MOB3B: variants seen among roughly 807,000 people sequenced by gnomAD.
MOB3B encodes the protein MOB kinase activator 3B, also known as MOB kinase activator-like 2B.
A neutral mutation model predicts 18.7 loss-of-function variants in MOB3B; 7 were observed. That is an observed-to-expected ratio of 0.37 (90% CI 0.21 to 0.70). MOB3B has a LOEUF of 0.70. Among genes scored for constraint, MOB3B ranks in the 30% least tolerant of loss-of-function variants. The probability of loss-of-function intolerance (pLI) is 0.52; values close to 1 mark genes in which losing one functional copy is unlikely to be tolerated. For missense variants in MOB3B, 253 were observed against 281.3 expected, an observed-to-expected ratio of 0.90 and a Z score of 0.72; for synonymous variants, 111 against 99.9, an observed-to-expected ratio of 1.11 and a Z score of -0.66.
In MOB3B at chr9:27,342,208, A is replaced by G. The variant is rs1820953123; in HGVS notation, c.622-11592T>C. Among the ~76,000 whole-genome samples the G allele has an allele frequency of 2.6e-5, 4 of 152,184 alleles. No individual in the cohort carries two copies. In the South Asian group the frequency reaches 8.3e-4, roughly 32 times the overall value. ...CGCGTCGCACCATGCCAATACCATG[A>G]CCAGTGAGACTCTCTAGTTTTGACC... On this transcript the variant is annotated intron_variant, in intron 3 of 3. Coordinates refer to ENST00000262244, the MANE Select transcript of MOB3B (RefSeq NM_024761.5).
chr9:27,490,419 C>T (rs1419799165), intron 1 of MOB3B, among the ~76,000 whole-genome samples: 3 of 152,104 alleles, frequency 2.0e-5, no homozygotes, highest in African/African-American at 7.2e-5. Context: ...AGATTCCTTG[C>T]AGATTAAGAA....
Position 27,329,304 on chromosome 9 carries a change from C to T in MOB3B, c.*1283G>A, listed in dbSNP as rs192633370. The T allele has an allele frequency of 3.9e-5, 6 of 152,214 alleles. No individual in the cohort carries two copies. In the South Asian group the frequency reaches 8.3e-4, roughly 21 times the overall value. The allele number at this position is 152,214 out of a possible 1,614,324, so 9.4% of individuals were successfully genotyped here. A position where few individuals can be genotyped will look rare whatever the true frequency, so the allele number is the denominator to read the frequency against. On this transcript the variant is annotated 3_prime_UTR_variant, in exon 4 of 4. Coordinates refer to ENST00000262244, the MANE Select transcript of MOB3B (RefSeq NM_024761.5). ...AGTTTTGTGAATGAATCAGAGAAGG[C>T]AACATTTCATCAACGAAAACTCATT...
At chr9:27,342,172 C>A (rs1820951915) in intron 3 of MOB3B, among the ~76,000 whole-genome samples, 1 of 152,180 alleles carries the variant, frequency 6.6e-6, no homozygotes, top group Non-Finnish European at 1.5e-5. Flanking sequence ...TTCAGAAAAG[C>A]TGGCTGACCT....
chr9:27,378,153 A>G (rs746416799), intron 2 of MOB3B: 11 of 350,752 alleles, frequency 3.1e-5, no homozygotes, highest in Non-Finnish European at 5.7e-5. Context: ...ACACATAGCT[A>G]GTAATAAGGA....
chr9:27,520,097 G>A (rs1441708924), intron 1 of MOB3B, among the ~76,000 whole-genome samples: 1 of 152,112 alleles, frequency 6.6e-6, no homozygotes, highest in East Asian at 1.9e-4. Flanking sequence ...TGTTACTCTC[G>A]TCCTGATTCG....
At chr9:27,500,542 C>T (rs770166050) in intron 1 of MOB3B, among the ~76,000 whole-genome samples, 18 of 152,176 alleles carry the variant, frequency 1.2e-4, no homozygotes, top group South Asian at 2.1e-4. Context: ...ACTCGCTAGC[C>T]GTATGTAGAA....
At chr9:27,341,056 G>A (rs1308862702) in intron 3 of MOB3B, among the ~76,000 whole-genome samples, 1 of 152,226 alleles carries the variant, frequency 6.6e-6, no homozygotes, top group African/African-American at 2.4e-5. Flanking sequence ...TTAAAGGCTG[G>A]ATGCGGGAGG....
chr9:27,448,231 T>C (rs1822724200), intron 2 of MOB3B, among the ~76,000 whole-genome samples: 1 of 152,226 alleles, frequency 6.6e-6, no homozygotes, highest in Non-Finnish European at 1.5e-5. Flanking sequence ...CTTAATCCTT[T>C]TGAGTCTTAG....
intron 1 of MOB3B, among the ~76,000 whole-genome samples, chr9:27,496,404 T>C (rs1479015202): frequency 1.3e-5 from 2 of 152,236 alleles, no homozygotes; most frequent in Non-Finnish European, 2.9e-5. Flanking sequence ...GATCAGACTC[T>C]CAGGTTATTC....
At chr9:27,384,194 G>T (rs1295084438) in intron 2 of MOB3B, among the ~76,000 whole-genome samples, 9 of 152,092 alleles carry the variant, frequency 5.9e-5, no homozygotes, top group Admixed American at 5.9e-4. Context: ...CATCTAGTAG[G>T]TCATGGAGCC....
At chr9:27,477,880 G>A (rs1423433622) in intron 1 of MOB3B, among the ~76,000 whole-genome samples, 1 of 152,198 alleles carries the variant, frequency 6.6e-6, no homozygotes, top group African/African-American at 2.4e-5. Context: ...CATGGCCCAA[G>A]GCTCATGCAA....
intron 2 of MOB3B, chr9:27,396,867 A>G (rs1206363250): frequency 6.6e-6 from 1 of 152,252 alleles, no homozygotes; most frequent in Admixed American, 6.5e-5. Context: ...GCATTTAACC[A>G]TCCACGTTAA....
chr9:27,435,957 C>T (rs1251618849), intron 2 of MOB3B, among the ~76,000 whole-genome samples: 1 of 152,194 alleles, frequency 6.6e-6, no homozygotes, highest in Non-Finnish European at 1.5e-5. Context: ...GACTTCCTCA[C>T]ATGTCACTCC....
chr9:27,398,282 T>C (rs1329129608), intron 2 of MOB3B, among the ~76,000 whole-genome samples: 1 of 152,212 alleles, frequency 6.6e-6, no homozygotes, highest in Non-Finnish European at 1.5e-5. Context: ...TACTGCCTTC[T>C]TCCCTTCAGG....
chr9:27,349,574 C>T (rs988318707), intron 3 of MOB3B, among the ~76,000 whole-genome samples: 6 of 152,128 alleles, frequency 3.9e-5, no homozygotes, highest in Non-Finnish European at 5.9e-5. Flanking sequence ...TGTAAATGCT[C>T]ATGAAGACGA....
At chr9:27,498,121 T>C (rs1357156949) in intron 1 of MOB3B, among the ~76,000 whole-genome samples, 1 of 152,182 alleles carries the variant, frequency 6.6e-6, no homozygotes, top group African/African-American at 2.4e-5. Flanking sequence ...CTCCAGGCCT[T>C]GATTCCCAGC....
At chr9:27,519,469 C>T (rs1039797533) in intron 1 of MOB3B, among the ~76,000 whole-genome samples, 2 of 152,158 alleles carry the variant, frequency 1.3e-5, no homozygotes, top group Non-Finnish European at 2.9e-5. Flanking sequence ...TAAAAATATA[C>T]ACCCAAGTCC....
At chr9:27,524,362 A>T in intron 1 of MOB3B, 1 of 1,612,632 alleles carries the variant, frequency 6.2e-7, no homozygotes, top group Non-Finnish European at 8.5e-7. Context: ...GATATGATTC[A>T]AAAGTGTTTG....
intron 2 of MOB3B, among the ~76,000 whole-genome samples, chr9:27,378,037 C>T (rs1001325532): frequency 1.3e-5 from 2 of 152,226 alleles, no homozygotes; most frequent in African/African-American, 4.8e-5. Flanking sequence ...AGTTTGTATA[C>T]ACCACATCAT....
Sources: allele counts gnomAD v4.1 joint callset (sites outside exome capture counted in the v4.1 genomes callset), GRCh38; gene constraint gnomAD v4.1.1; transcripts MANE v1.5; gene names NCBI Gene and HGNC (gene_info 2026-07-23, HGNC 2026-07-21).